Variants in YAF2 observed in about 807,000 individuals in gnomAD.
YAF2 encodes YY1 associated factor 2.
In YAF2, 7 loss-of-function variants were observed where a neutral mutation model predicts 20.1. The observed-to-expected ratio is 0.35, with a 90% confidence interval of 0.20 to 0.65. YAF2 has a LOEUF of 0.65. Among genes scored for constraint, YAF2 ranks in the 30% least tolerant of loss-of-function variants. The probability of loss-of-function intolerance (pLI) is 0.69; values close to 1 mark genes in which losing one functional copy is unlikely to be tolerated. For synonymous variants in YAF2, 74 were observed against 76.0 expected (o/e 0.97, Z 0.14); for missense variants, 151 against 219.2 (o/e 0.69, Z 1.96).
chr12:42,205,065 A>AC (rs1480180313), intron 2 of YAF2, among the ~76,000 whole-genome samples: 2 of 151,786 alleles, frequency 1.3e-5, no homozygotes, highest in Non-Finnish European at 2.9e-5. Context: ...TAAAAAAAAA[A>AC]AAACCACCTA....
At chr12:42,229,738 A>G (rs1372028136) in intron 2 of YAF2, among the ~76,000 whole-genome samples, 1 of 152,242 alleles carries the variant, frequency 6.6e-6, no homozygotes. Context: ...CTCTGAAGCT[A>G]CAGGTGTACA....
chr12:42,231,750 C>G (rs2067990896), intron 2 of YAF2: 1 of 152,174 alleles, frequency 6.6e-6, no homozygotes, highest in African/African-American at 2.4e-5. Context: ...CTAATCTTCT[C>G]AGAAAAGTCT....
intron 2 of YAF2, among the ~76,000 whole-genome samples, chr12:42,221,041 A>G (rs1195036878): frequency 6.6e-6 from 1 of 152,210 alleles, no homozygotes. Flanking sequence ...TACTTCAAAA[A>G]TATTAGTAAA....
At chr12:42,165,943 A>T (rs1185587765) in intron 2 of YAF2, among the ~76,000 whole-genome samples, 1 of 149,696 alleles carries the variant, frequency 6.7e-6, no homozygotes, top group Non-Finnish European at 1.5e-5. Flanking sequence ...AATGAGACGG[A>T]GTCTCACACT....
intron 2 of YAF2, among the ~76,000 whole-genome samples, chr12:42,175,563 T>C (rs919331758): frequency 2.0e-5 from 3 of 151,016 alleles, no homozygotes; most frequent in Non-Finnish European, 4.4e-5. Context: ...TAAAATTTTT[T>C]TAACCTAACT....
chr12:42,200,321 A>G lies in YAF2; in HGVS notation c.152+37278T>C, dbSNP rs564727025. 1.1e-4 allele frequency among the ~76,000 whole-genome samples: 17 copies of G among 152,324 alleles called. No homozygotes were observed. The South Asian group carries it at 3.5e-3, about 32-fold the overall frequency. ...AAACAGATTTGCATGTATCAACTGA[A>G]TCAAAATTATTTTCCTTGTCTCTTT... On this transcript the variant is annotated intron_variant, in intron 2 of 3. Transcript: ENST00000534854.
In YAF2 at chr12:42,157,766, CT is replaced by C. The variant is rs1225013299; in HGVS notation, c.*2822del. On this transcript the variant is annotated 3_prime_UTR_variant, in exon 4 of 4. Coordinates refer to ENST00000534854, the MANE Select transcript of YAF2 (RefSeq NM_005748.6). ...TCTTCTGTGCCTCAAATTATATTCA[CT>C]TTTTAAATATACATATATATATATA... The C allele has an allele frequency of 6.7e-6, 1 of 149,724 alleles. No homozygotes were observed. Among genetic ancestry groups the C allele is most frequent in the Non-Finnish European group, 1.5e-5 (1 of 67,868 alleles). The allele number at this position is 149,724 out of a possible 1,614,324, so 9.3% of individuals were successfully genotyped here.
chr12:42,165,678 A>G (rs1313136773), intron 2 of YAF2, among the ~76,000 whole-genome samples: 1 of 148,004 alleles, frequency 6.8e-6, no homozygotes, highest in Non-Finnish European at 1.5e-5. Flanking sequence ...TCACTGTGTT[A>G]GCTAGGATGG....
intron 2 of YAF2, among the ~76,000 whole-genome samples, chr12:42,226,235 T>C (rs972245833): frequency 6.6e-6 from 1 of 152,208 alleles, no homozygotes; most frequent in Non-Finnish European, 1.5e-5. Context: ...CTATATTATA[T>C]CATATAAATT....
chr12:42,195,366 A>G (rs1199852496), intron 2 of YAF2, among the ~76,000 whole-genome samples: 2 of 152,234 alleles, frequency 1.3e-5, no homozygotes, highest in Non-Finnish European at 2.9e-5. Flanking sequence ...CATAACTTCA[A>G]TTTAAAGTAA....
chr12:42,205,531 T>C (rs2067016945), intron 2 of YAF2, among the ~76,000 whole-genome samples: 1 of 152,132 alleles, frequency 6.6e-6, no homozygotes, highest in Non-Finnish European at 1.5e-5. Context: ...CCTGCCATCA[T>C]GCCTGGCTAA....
rs1349249864 is a variant in YAF2 at position 42,238,196 on chromosome 12, G to A, written c.-16C>T. 8 of 1,410,750 alleles carry A rather than the reference G, an allele frequency of 5.7e-6. No homozygotes were observed. Among genetic ancestry groups the A allele is most frequent in the Non-Finnish European group, 7.5e-6 (8 of 1,063,722 alleles). The allele number at this position is 1,410,750 out of a possible 1,614,324, so 87.4% of individuals were successfully genotyped here. ...TGTCTCCCATGGCTTGGCTATCACC[G>A]CACGCCGAGAGTCGCCGCCGCGACC... On this transcript the variant is annotated 5_prime_UTR_variant, in exon 1 of 4. Coordinates refer to ENST00000534854, the MANE Select transcript of YAF2 (RefSeq NM_005748.6).
intron 2 of YAF2, among the ~76,000 whole-genome samples, chr12:42,192,508 CAAACA>C (rs544390651): frequency 1.7e-4 from 26 of 152,284 alleles, no homozygotes; most frequent in Middle Eastern, 3.4e-3. Flanking sequence ...GACCCTGTCT[CAAACA>C]AAACAAAACA....
intron 2 of YAF2, among the ~76,000 whole-genome samples, chr12:42,181,803 T>TG (rs2066348438): frequency 6.6e-6 from 1 of 152,184 alleles, no homozygotes; most frequent in Non-Finnish European, 1.5e-5. Flanking sequence ...GGTAAATGAA[T>TG]TTATAACTGT....
intron 2 of YAF2, among the ~76,000 whole-genome samples, chr12:42,223,921 T>C (rs1592042523): frequency 6.6e-6 from 1 of 152,190 alleles, no homozygotes; most frequent in East Asian, 1.9e-4. Context: ...AAATACCTAA[T>C]GCATGCAGGT....
chr12:42,166,166 G>A (rs576018113), intron 2 of YAF2, among the ~76,000 whole-genome samples: 152 of 152,266 alleles, frequency 1.0e-3, no homozygotes, highest in Middle Eastern at 6.8e-3. Context: ...GCCTGTCTTG[G>A]CCTCCCAAAG....
chr12:42,222,118 C>G (rs1186149010), intron 2 of YAF2, among the ~76,000 whole-genome samples: 1 of 152,116 alleles, frequency 6.6e-6, no homozygotes, highest in Non-Finnish European at 1.5e-5. Context: ...GTCTTAACAA[C>G]CATGAAAGCC....
intron 2 of YAF2, among the ~76,000 whole-genome samples, chr12:42,230,806 G>A (rs972937108): frequency 2.5e-4 from 38 of 152,176 alleles, no homozygotes; most frequent in African/African-American, 8.4e-4. Flanking sequence ...ATGGGTTTCA[G>A]AGATATACAC....
At chr12:42,209,334 T>G (rs2137217581) in intron 2 of YAF2, among the ~76,000 whole-genome samples, 1 of 150,612 alleles carries the variant, frequency 6.6e-6, no homozygotes, top group Non-Finnish European at 1.5e-5. Flanking sequence ...GAGGCCAAGG[T>G]GGGCAGATCA....
Sources: gnomAD v4.1 joint callset for allele counts (sites outside exome capture counted in the v4.1 genomes callset) on GRCh38, gnomAD v4.1.1 for gene constraint, MANE v1.5 for transcripts, NCBI Gene and HGNC (gene_info 2026-07-23, HGNC 2026-07-21) for gene names.